ZNF704: variants seen among roughly 807,000 people sequenced by gnomAD.
ZNF704 encodes the protein glucocorticoid induced gene 1.
Under a neutral mutation model 44.7 loss-of-function variants are expected in ZNF704, and 10 were observed. The ratio of observed to expected loss-of-function variants is 0.22; its 90% CI spans 0.14 to 0.38. ZNF704 has a LOEUF of 0.38. Among genes scored for constraint, ZNF704 ranks in the 10% least tolerant of loss-of-function variants. The pLI, the probability that ZNF704 is intolerant of heterozygous loss-of-function variation, is 1.00. For missense variants in ZNF704, 390 were observed against 545.5 expected (o/e 0.71, Z 2.84); for synonymous variants, 211 against 207.6 (o/e 1.02, Z -0.14).
chr8:80,683,514 G>A (rs1323275726), intron 4 of ZNF704, among the ~76,000 whole-genome samples: 1 of 152,152 alleles, frequency 6.6e-6, no homozygotes, highest in African/African-American at 2.4e-5. Context: ...TCCTCTGTGG[G>A]CTGAAGGAAA....
At chr8:80,687,568 C>T in intron 3 of ZNF704, 110 bp from the exon 4 acceptor site, 1 of 737,500 alleles carries the variant, frequency 1.4e-6, no homozygotes, top group Non-Finnish European at 2.1e-6. Context: ...CCAGCCCTCT[C>T]AATCATCTGC....
At chr8:80,702,044 A>T (rs974083303) in intron 2 of ZNF704, among the ~76,000 whole-genome samples, 2 of 152,220 alleles carry the variant, frequency 1.3e-5, no homozygotes, top group African/African-American at 4.8e-5. Flanking sequence ...AGGGATGAAT[A>T]GGTTGAAGAT....
chr8:80,819,401 A>T (rs1808228118), intron 2 of ZNF704, among the ~76,000 whole-genome samples: 1 of 152,190 alleles, frequency 6.6e-6, no homozygotes. Flanking sequence ...GTATACTTAA[A>T]ACAACCTATG....
chr8:80,745,490 G>C (rs532931179), intron 2 of ZNF704, among the ~76,000 whole-genome samples: 10 of 152,166 alleles, frequency 6.6e-5, no homozygotes, highest in South Asian at 2.1e-4. Flanking sequence ...ACATCTTCAG[G>C]AGAAATACCA....
intron 2 of ZNF704, among the ~76,000 whole-genome samples, chr8:80,745,559 TTAAG>T (rs1275916107): frequency 6.6e-6 from 1 of 152,216 alleles, no homozygotes; most frequent in Non-Finnish European, 1.5e-5. Context: ...AACCAAAGTT[TTAAG>T]TAAGTGATAT....
chr8:80,662,832 T>C (rs892131169), intron 6 of ZNF704, among the ~76,000 whole-genome samples: 2 of 152,176 alleles, frequency 1.3e-5, no homozygotes, highest in Admixed American at 6.5e-5. Context: ...AGTGGAGTTA[T>C]TAATGACGAA....
intron 5 of ZNF704, 97 bp from the exon 6 acceptor site, chr8:80,665,179 C>T (rs1585934365): frequency 2.2e-6 from 3 of 1,374,394 alleles, no homozygotes; most frequent in East Asian, 2.4e-5. Context: ...GAATGCTTTT[C>T]CTCCCTCTTG....
chr8:80,816,857 A>C (rs1019080784), intron 2 of ZNF704, among the ~76,000 whole-genome samples: 5 of 152,078 alleles, frequency 3.3e-5, no homozygotes, highest in Non-Finnish European at 5.9e-5. Context: ...TAATGCACTT[A>C]CTCCAAATCA....
chr8:80,700,538 T>C (rs1818792471), intron 2 of ZNF704, among the ~76,000 whole-genome samples: 1 of 152,236 alleles, frequency 6.6e-6, no homozygotes, highest in Non-Finnish European at 1.5e-5. Context: ...TACCTAAAAC[T>C]GTTATTTCAG....
intron 2 of ZNF704, among the ~76,000 whole-genome samples, chr8:80,809,919 T>C (rs528478812): frequency 6.6e-6 from 1 of 152,258 alleles, no homozygotes; most frequent in East Asian, 1.9e-4. Flanking sequence ...CAACCATTTT[T>C]TCCATGCAGC....
At chr8:80,657,122 G>A (rs896147149) in intron 7 of ZNF704, among the ~76,000 whole-genome samples, 1 of 152,154 alleles carries the variant, frequency 6.6e-6, no homozygotes, top group Non-Finnish European at 1.5e-5. Context: ...GGGCTGTTAT[G>A]AGAGCTAGCC....
intron 2 of ZNF704, among the ~76,000 whole-genome samples, chr8:80,780,562 G>C (rs568479999): frequency 2.0e-5 from 3 of 152,254 alleles, no homozygotes; most frequent in African/African-American, 7.2e-5. Context: ...TAAGGATCTT[G>C]AGATGAGATC....
At chr8:80,872,549 T>C (rs1809270842) in intron 1 of ZNF704, among the ~76,000 whole-genome samples, 1 of 152,184 alleles carries the variant, frequency 6.6e-6, no homozygotes, top group Admixed American at 6.5e-5. Context: ...TAAAATGTTA[T>C]TCAGCTGATT....
intron 1 of ZNF704, among the ~76,000 whole-genome samples, chr8:80,836,386 GT>G (rs1237404370): frequency 6.6e-6 from 1 of 152,086 alleles, no homozygotes; most frequent in Non-Finnish European, 1.5e-5. Context: ...TTGTTCAAAT[GT>G]CTTTCTCAGT....
At chr8:80,655,894 C>A (rs1026804326) in intron 7 of ZNF704, among the ~76,000 whole-genome samples, 1 of 152,208 alleles carries the variant, frequency 6.6e-6, no homozygotes, top group African/African-American at 2.4e-5. Context: ...CCCTCCCCAA[C>A]AGCCTGAAGC....
At chr8:80,820,387 G>A (rs2129876706) in intron 2 of ZNF704, among the ~76,000 whole-genome samples, 1 of 151,684 alleles carries the variant, frequency 6.6e-6, no homozygotes, top group Non-Finnish European at 1.5e-5. Flanking sequence ...ATTATAATGT[G>A]ACAAAGGCCT....
chr8:80,844,670 T>C (rs1031200625), intron 1 of ZNF704, among the ~76,000 whole-genome samples: 5 of 152,116 alleles, frequency 3.3e-5, no homozygotes, highest in African/African-American at 1.2e-4. Flanking sequence ...CCAAAAGCTA[T>C]TTTTCTTATT....
upstream of ZNF704, among the ~76,000 whole-genome samples, chr8:80,879,084 A>G (rs1208621425): frequency 1.3e-5 from 2 of 152,222 alleles, no homozygotes; most frequent in Non-Finnish European, 2.9e-5. Flanking sequence ...CAACTCTAAT[A>G]TGAATGAGTT....
At chr8:80,780,536 G>A (rs1586022333) in intron 2 of ZNF704, among the ~76,000 whole-genome samples, 2 of 152,184 alleles carry the variant, frequency 1.3e-5, no homozygotes, top group South Asian at 2.1e-4. Context: ...TTGTAGCTTT[G>A]CTGATATAAT....
Sources: allele counts gnomAD v4.1 joint callset (sites outside exome capture counted in the v4.1 genomes callset), GRCh38; gene constraint gnomAD v4.1.1; transcripts MANE v1.5; gene names NCBI Gene and HGNC (gene_info 2026-07-23, HGNC 2026-07-21).